Variants in PLBD1 observed in about 807,000 individuals in gnomAD.
PLBD1 encodes lysosomal leucine aminopeptidase.
A neutral mutation model predicts 63.0 loss-of-function variants in PLBD1; 60 were observed. The ratio of observed to expected loss-of-function variants is 0.95; its 90% CI spans 0.77 to 1.18. The LOEUF (loss-of-function observed/expected upper bound fraction) is 1.18, where lower values mean the gene tolerates loss of function less well. PLBD1 is among the 50% of genes most tolerant of loss of function. The probability of loss-of-function intolerance (pLI) is 0.00; values close to 1 mark genes in which losing one functional copy is unlikely to be tolerated. For synonymous variants in PLBD1, 262 were observed against 248.0 expected (o/e 1.06, Z -0.53); for missense variants, 598 against 677.9 (o/e 0.88, Z 1.31).
chr12:14,511,429 G>T, intron 7 of PLBD1, 29 bp from the exon 8 acceptor site: 1 of 1,613,392 alleles, frequency 6.2e-7, no homozygotes, highest in Non-Finnish European at 8.5e-7. Context: ...TGAAGACGGG[G>T]CATGGGTATG....
intron 6 of PLBD1, among the ~76,000 whole-genome samples, chr12:14,528,799 C>A (rs780579093): frequency 1.5e-4 from 22 of 151,638 alleles, no homozygotes; most frequent in Non-Finnish European, 2.9e-4. Context: ...TTTACAGATC[C>A]TACAGACATT....
At chr12:14,544,217 A>G (rs1396105741) in intron 2 of PLBD1, among the ~76,000 whole-genome samples, 2 of 152,216 alleles carry the variant, frequency 1.3e-5, no homozygotes, top group Non-Finnish European at 2.9e-5. Context: ...TCTGTCACCC[A>G]GGCTGGAGGG....
At chr12:14,547,109 A>G (rs1034066591) in intron 2 of PLBD1, among the ~76,000 whole-genome samples, 1 of 150,828 alleles carries the variant, frequency 6.6e-6, no homozygotes, top group Non-Finnish European at 1.5e-5. Flanking sequence ...TGAACTCCCG[A>G]CCTCAGGTGA....
chr12:14,553,239 T>C lies in PLBD1; in HGVS notation c.289A>G (p.Ile97Val), dbSNP rs746989652. 2 of 1,613,834 alleles carry C rather than the reference T, an allele frequency of 1.2e-6. No homozygotes were observed. The highest frequency in any genetic ancestry group is 1.7e-6 in the Non-Finnish European group (2 of 1,179,984). The change falls in exon 2 of 11, where the codon ATC becomes GTC. Residue 97 changes from isoleucine (I) to valine (V), a missense_variant. Coordinates refer to ENST00000240617, the MANE Select transcript of PLBD1 (RefSeq NM_024829.6). ...AAAAAGCCAGCCACAAACATGATGA[T>C]CTCATTGCTCAGGGTTTGAGAGCCA... is the stretch of plus-strand genomic sequence containing the variant. ...GYGSQTLSNE[I>V]IMFVAGFLEG... is the part of the protein sequence containing the mutation.
chr12:14,543,656 T>C (rs575017937), intron 2 of PLBD1, among the ~76,000 whole-genome samples: 7 of 152,118 alleles, frequency 4.6e-5, no homozygotes, highest in African/African-American at 1.2e-4. Context: ...ACCTGGGAGG[T>C]GGAGGTTGCA....
chr12:14,531,951 T>A (rs1945467181), intron 6 of PLBD1, among the ~76,000 whole-genome samples: 1 of 152,216 alleles, frequency 6.6e-6, no homozygotes, highest in African/African-American at 2.4e-5. Flanking sequence ...TGCATGTATT[T>A]GAAAGTAGGT....
At chr12:14,556,731 T>C (rs1017068763) in intron 1 of PLBD1, among the ~76,000 whole-genome samples, 2 of 149,672 alleles carry the variant, frequency 1.3e-5, no homozygotes, top group South Asian at 2.1e-4. Context: ...ACCGCTGTAA[T>C]TCCAGCATTT....
In PLBD1 at chr12:14,507,108, G is replaced by A; in HGVS notation, c.1197C>T (p.Pro399=). Residue 399 remains proline (P), a synonymous_variant, in exon 9 of 11, where the codon CCC becomes CCT. Coordinates refer to ENST00000240617, the MANE Select transcript of PLBD1 (RefSeq NM_024829.6). ...QTDVLRKGYW[P]SYNVPFHEKI... ...TTTCATGGAAAGGAACATTGTAGGA[G>A]GGCCAATATCCTGATTTGGAATGGA... 5 of 1,605,912 alleles carry A rather than the reference G, an allele frequency of 3.1e-6. No homozygotes were observed. The highest frequency in any genetic ancestry group is 1.1e-5 in the South Asian group (1 of 90,234).
intron 1 of PLBD1, among the ~76,000 whole-genome samples, chr12:14,554,411 CTACAG>C (rs1945684706): frequency 6.6e-6 from 1 of 152,150 alleles, no homozygotes; most frequent in Non-Finnish European, 1.5e-5. Context: ...AATAAACCAA[CTACAG>C]AAGCCATCTG....
chr12:14,533,763 A>C (rs1945487468), intron 6 of PLBD1, among the ~76,000 whole-genome samples: 1 of 152,238 alleles, frequency 6.6e-6, no homozygotes, highest in Non-Finnish European at 1.5e-5. Flanking sequence ...CAACTAAGCA[A>C]ACTAAGACAA....
chr12:14,540,019 TATATATATA>T (rs1565577537), intron 4 of PLBD1, among the ~76,000 whole-genome samples: 2,006 of 87,630 alleles, frequency 0.023, 154 homozygotes, highest in African/African-American at 0.074. Context: ...TGCACATATA[TATATATATA>T]TATATATATA....
At chr12:14,521,376 C>T (rs1329961654) in intron 6 of PLBD1, among the ~76,000 whole-genome samples, 1 of 152,112 alleles carries the variant, frequency 6.6e-6, no homozygotes, top group South Asian at 2.1e-4. Flanking sequence ...CCCCAGAGGA[C>T]AGACTGTGTC....
chr12:14,540,013 C>CTTAATTATATATAT (rs1555147086), intron 4 of PLBD1, among the ~76,000 whole-genome samples: 2 of 22,780 alleles, frequency 8.8e-5, no homozygotes, highest in Admixed American at 7.5e-4. Flanking sequence ...AAGCTATGCA[C>CTTAATTATATATAT]ATATATATAT....
rs752920716 is a variant in PLBD1, at chr12:14,542,315, TAC to T, written c.336-26_336-25del. 12 of 1,521,050 alleles carry T rather than the reference TAC, an allele frequency of 7.9e-6. No individual in the cohort carries two copies. The African/African-American group carries it at 8.2e-5, about 10-fold the overall frequency. The allele number at this position is 1,521,050 out of a possible 1,614,324, so 94.2% of individuals were successfully genotyped here. ...GTCTGAAATGATACATGAAAATTATTACATTTATATTTTTCTTCTTGGATTTC... is the reference window on the plus strand; with the variant it reads ...GTCTGAAATGATACATGAAAATTATTATTTATATTTTTCTTCTTGGATTTC... On this transcript the variant is annotated intron_variant, in intron 2 of 10. Coordinates refer to ENST00000240617, the MANE Select transcript of PLBD1 (RefSeq NM_024829.6).
chr12:14,534,551 T>C (rs1945495898), intron 6 of PLBD1, among the ~76,000 whole-genome samples: 1 of 150,334 alleles, frequency 6.7e-6, no homozygotes. Context: ...TTCTTTTTTT[T>C]TTTTTTTTTT....
chr12:14,505,898 A>C (rs902195960), intron 10 of PLBD1, among the ~76,000 whole-genome samples: 1 of 152,366 alleles, frequency 6.6e-6, no homozygotes, highest in East Asian at 1.9e-4. Flanking sequence ...CTTCAGAACA[A>C]CATATGAGGT....
At position 14,553,389 on chromosome 12, in the gene PLBD1, A is replaced by C. The variant is rs1387113939; in HGVS notation, c.139T>G (p.Trp47Gly). The change falls in exon 2 of 11, where the codon TGG (tryptophan) becomes GGG (glycine). Residue 47 changes from tryptophan to glycine, a missense_variant. Trp to Gly is a radical substitution (Grantham distance 184, BLOSUM62 -2). Coordinates refer to ENST00000240617, the MANE Select transcript of PLBD1 (RefSeq NM_024829.6). ...PAGVYYATAY[W>G]MPAEKTVQVK... is the part of the protein sequence containing the mutation. ...TGTACTGTCTTTTCAGCAGGCATCC[A>C]GTATGCAGTTGCATAGTAGACTCCT... The C allele has an allele frequency of 1.2e-6, 2 of 1,614,086 alleles. No individual in the cohort carries two copies. The highest frequency in any genetic ancestry group is 1.3e-5 in the African/African-American group (1 of 74,956).
intron 4 of PLBD1, 152 bp from the exon 5 acceptor site, chr12:14,536,862 G>GT (rs1311322930): frequency 1.0e-6 from 1 of 973,802 alleles, no homozygotes; most frequent in African/African-American, 1.6e-5. Flanking sequence ...GCCAACGCGG[G>GT]TGGATCTCCC....
intron 2 of PLBD1, among the ~76,000 whole-genome samples, chr12:14,542,933 G>C (rs554521659): frequency 9.9e-5 from 15 of 152,282 alleles, no homozygotes; most frequent in African/African-American, 3.6e-4. Flanking sequence ...TGTAGTCCCA[G>C]CTACTCGGGA....
Sources: allele counts gnomAD v4.1 joint callset (sites outside exome capture counted in the v4.1 genomes callset), GRCh38; gene constraint gnomAD v4.1.1; transcripts MANE v1.5; gene names NCBI Gene and HGNC (gene_info 2026-07-23, HGNC 2026-07-21).